PLXNA4: variants seen among roughly 807,000 people sequenced by gnomAD.
PLXNA4 encodes the protein plexin A4, also known as plexin-A4.
Under a neutral mutation model 191.8 loss-of-function variants are expected in PLXNA4, and 44 were observed. That is an observed-to-expected ratio of 0.23 (90% CI 0.18 to 0.29). The LOEUF (loss-of-function observed/expected upper bound fraction) is 0.29. Among genes scored for constraint, PLXNA4 ranks in the 10% least tolerant of loss-of-function variants. The pLI is 1.00. For synonymous variants in PLXNA4, 1,082 were observed against 1,009.5 expected, an observed-to-expected ratio of 1.07 and a Z score of -1.36; for missense variants, 1,800 against 2,488.8, an observed-to-expected ratio of 0.72 and a Z score of 5.89.
upstream of PLXNA4, among the ~76,000 whole-genome samples, chr7:132,577,846 C>T (rs537294494): frequency 2.0e-5 from 3 of 152,184 alleles, no homozygotes; most frequent in Non-Finnish European, 4.4e-5. Context: ...GTCAGAACCC[C>T]TCCCAACACC....
intron 2 of PLXNA4, among the ~76,000 whole-genome samples, chr7:132,588,394 T>C (rs1049320205): frequency 6.6e-6 from 1 of 152,128 alleles, no homozygotes; most frequent in African/African-American, 2.4e-5. Flanking sequence ...CTGCAGGAGT[T>C]CCAAATTTTG....
At chr7:132,130,599 G>T in intron 31 of PLXNA4, 25 bp from the exon 32 acceptor site, 11 of 1,613,972 alleles carry the variant, frequency 6.8e-6, no homozygotes, top group Non-Finnish European at 9.3e-6. Context: ...AGAACAGGGA[G>T]ATTACTCATT....
chr7:132,203,297 C>T (rs1255506752), intron 11 of PLXNA4, 26 bp downstream of exon 11: 1 of 1,593,422 alleles, frequency 6.3e-7, no homozygotes, highest in African/African-American at 1.3e-5. Context: ...CCCTCCCTCC[C>T]CTGCTAGGCC....
chr7:132,620,298 G>C (rs1454579661), intron 2 of PLXNA4, among the ~76,000 whole-genome samples: 2 of 151,036 alleles, frequency 1.3e-5, no homozygotes, highest in African/African-American at 4.9e-5. Flanking sequence ...GGTTCTTGTT[G>C]TTCTGTTTAG....
intron 16 of PLXNA4, among the ~76,000 whole-genome samples, chr7:132,183,051 T>G (rs1265720715): frequency 6.6e-6 from 1 of 152,206 alleles, no homozygotes; most frequent in Non-Finnish European, 1.5e-5. Flanking sequence ...TCGAGAAGAA[T>G]CCTGCTATCT....
At chr7:132,158,094 C>A (rs537584955) in intron 25 of PLXNA4, among the ~76,000 whole-genome samples, 1 of 152,318 alleles carries the variant, frequency 6.6e-6, no homozygotes, top group South Asian at 2.1e-4. Context: ...CACATGCTCA[C>A]CGAATCTCCC....
chr7:132,562,367 GCCT>G (rs145654581), intron 1 of PLXNA4, among the ~76,000 whole-genome samples: 33,230 of 66,466 alleles, frequency 0.5, 7,979 homozygotes, highest in Middle Eastern at 0.6. Flanking sequence ...CTCCTCCTCT[GCCT>G]CCTCCTCCTT....
chr7:132,250,639 A>G (rs1447428559), intron 4 of PLXNA4, among the ~76,000 whole-genome samples: 1 of 152,144 alleles, frequency 6.6e-6, no homozygotes, highest in Non-Finnish European at 1.5e-5. Flanking sequence ...GGCAGATCCT[A>G]TGCATTTGAC....
In PLXNA4 at chr7:132,181,370, C is replaced by T; in HGVS notation, c.3492+11G>A. The T allele has an allele frequency of 1.9e-6, 3 of 1,613,788 alleles. No individual in the cohort carries two copies. Among genetic ancestry groups the T allele is most frequent in the African/African-American group, 1.3e-5 (1 of 75,020 alleles). On this transcript the variant is annotated intron_variant, in intron 18 of 31. Coordinates refer to ENST00000321063, the MANE Select transcript of PLXNA4 (RefSeq NM_020911.2). ...TTTTCCCACCCCCGCCTCCCACCAC[C>T]CTCACTCCACCTTTAGGATGATGGG... is the stretch of plus-strand genomic sequence containing the variant.
chr7:132,383,825 T>C, intron 3 of PLXNA4: 2 of 985,470 alleles, frequency 2.0e-6, no homozygotes, highest in Non-Finnish European at 2.4e-6. Context: ...CCTAAATATT[T>C]ACACATTGTT....
rs201429170 is a variant in PLXNA4 at position 132,180,567 on chromosome 7, G to A, written c.3639+19C>T. 1.2e-6 allele frequency: 2 copies of A among 1,614,056 alleles called. No homozygotes were observed. The highest frequency in any genetic ancestry group is 4.5e-5 in the East Asian group (2 of 44,862). On this transcript the variant is annotated intron_variant, in intron 19 of 31. Transcript: ENST00000321063. ...CCCTACTGCCCGCTCCATCCAGGAT[G>A]GGGTTCTGCCAGCCTCACCATCACT...
At chr7:132,285,311 C>A (rs1800644038) in intron 4 of PLXNA4, among the ~76,000 whole-genome samples, 1 of 152,256 alleles carries the variant, frequency 6.6e-6, no homozygotes, top group Non-Finnish European at 1.5e-5. Context: ...CCTGAACCAC[C>A]TTCAAGCCAC....
At chr7:132,364,071 T>C (rs965441636) in intron 3 of PLXNA4, among the ~76,000 whole-genome samples, 2 of 152,300 alleles carry the variant, frequency 1.3e-5, no homozygotes, top group East Asian at 3.9e-4. Flanking sequence ...GGGAAGAACA[T>C]TCTCACTCAT....
chr7:132,261,498 G>A (rs1562997983), intron 4 of PLXNA4, among the ~76,000 whole-genome samples: 1 of 152,212 alleles, frequency 6.6e-6, no homozygotes, highest in Non-Finnish European at 1.5e-5. Context: ...ATCAATTAGT[G>A]TCTGCTGCTG....
chr7:132,315,315 G>T (rs1801902962), intron 3 of PLXNA4, among the ~76,000 whole-genome samples: 2 of 152,108 alleles, frequency 1.3e-5, no homozygotes, highest in Admixed American at 1.3e-4. Flanking sequence ...ATAAGATTTG[G>T]CTGGTTTCTA....
chr7:132,357,044 G>A (rs567333817), intron 3 of PLXNA4, among the ~76,000 whole-genome samples: 96 of 152,186 alleles, frequency 6.3e-4, no homozygotes, highest in Non-Finnish European at 1.2e-3. Context: ...GCCTATGAGA[G>A]GTGTGGTGTC....
At chr7:132,294,593 G>T (rs960819252) in intron 4 of PLXNA4, among the ~76,000 whole-genome samples, 50 of 152,188 alleles carry the variant, frequency 3.3e-4, no homozygotes, top group African/African-American at 1.2e-3. Context: ...TCAGGCAAGA[G>T]ACCATGGGGG....
intron 2 of PLXNA4, among the ~76,000 whole-genome samples, chr7:132,635,334 C>T (rs752235589): frequency 1.3e-4 from 19 of 151,974 alleles, no homozygotes; most frequent in Non-Finnish European, 2.4e-4. Context: ...TCAATGCCAG[C>T]ACAGCACCTG....
chr7:132,132,482 G>A (rs879934249), intron 31 of PLXNA4, among the ~76,000 whole-genome samples: 16,150 of 72,106 alleles, frequency 0.22, 3,011 homozygotes, highest in South Asian at 0.29. Context: ...GCTCTGCTCT[G>A]CTCTGCTCTA....
Sources: gnomAD v4.1 joint callset for allele counts (sites outside exome capture counted in the v4.1 genomes callset) on GRCh38, gnomAD v4.1.1 for gene constraint, MANE v1.5 for transcripts, NCBI Gene and HGNC (gene_info 2026-07-23, HGNC 2026-07-21) for gene names.